GPX6: variants seen among roughly 807,000 people sequenced by gnomAD.
GPX6 encodes the protein glutathione peroxidase 6.
Under a neutral mutation model 20.0 loss-of-function variants are expected in GPX6, and 21 were observed. The ratio of observed to expected loss-of-function variants is 1.05; its 90% confidence interval spans 0.74 to 1.51. GPX6 has a LOEUF of 1.51. Ranked by LOEUF, GPX6 falls within the 40% of genes most tolerant of loss-of-function variation. The probability of loss-of-function intolerance (pLI) is 0.00; values close to 1 mark genes in which losing one functional copy is unlikely to be tolerated. For synonymous variants in GPX6, 75 were observed against 98.0 expected (o/e 0.77, Z 1.38); for missense variants, 233 against 254.7 (o/e 0.91, Z 0.58).
At chr6:28,513,492 G>A (rs560246971) in intron 1 of GPX6, among the ~76,000 whole-genome samples, 11 of 152,272 alleles carry the variant, frequency 7.2e-5, no homozygotes, top group African/African-American at 2.4e-4. Context: ...CCTTGTGAGA[G>A]GGACAAGGGA....
At chr6:28,508,975 A>G (rs916051638) in intron 2 of GPX6, among the ~76,000 whole-genome samples, 121 of 152,252 alleles carry the variant, frequency 7.9e-4, no homozygotes, top group African/African-American at 2.8e-3. Context: ...GAGGAGCCGG[A>G]ATTTTATTAG....
chr6:28,512,622 A>T lies in GPX6; in HGVS notation c.88-1718T>A, dbSNP rs1483663762. Among the ~76,000 whole-genome samples, 3 of 152,198 alleles carry T rather than the reference A, an allele frequency of 2.0e-5. No individual in the cohort carries two copies. In the East Asian group the frequency reaches 5.8e-4, roughly 29 times the overall value. On this transcript the variant is annotated intron_variant, in intron 1 of 4. Transcript: ENST00000361902. Reference sequence around the variant, plus strand: ...AGAATAAAAGGCGGCTGCCGGAGCCAGCAGTGGCAGCCCCCGTGGGTCCCC... The same window carrying T: ...AGAATAAAAGGCGGCTGCCGGAGCCTGCAGTGGCAGCCCCCGTGGGTCCCC...
intron 1 of GPX6, among the ~76,000 whole-genome samples, chr6:28,514,253 ACT>A (rs1163609444): frequency 6.6e-6 from 1 of 152,136 alleles, no homozygotes; most frequent in Non-Finnish European, 1.5e-5. Flanking sequence ...TGAGGATGTC[ACT>A]CTGTGAAATG....
At chr6:28,509,432 G>T (rs190864603) in intron 2 of GPX6, among the ~76,000 whole-genome samples, 27 of 152,110 alleles carry the variant, frequency 1.8e-4, no homozygotes, top group African/African-American at 6.3e-4. Context: ...TACTCGGGAG[G>T]CTGAGGCACA....
At chr6:28,509,069 G>C (rs903474552) in intron 2 of GPX6, among the ~76,000 whole-genome samples, 1 of 152,096 alleles carries the variant, frequency 6.6e-6, no homozygotes, top group African/African-American at 2.4e-5. Context: ...TTAGACATGA[G>C]ATTACAATAT....
intron 1 of GPX6, among the ~76,000 whole-genome samples, chr6:28,513,411 C>CT (rs754936634): frequency 6.1e-4 from 93 of 152,296 alleles, no homozygotes; most frequent in South Asian, 2.3e-3. Context: ...AGTTTGTATG[C>CT]TCCCCCTCTG....
At position 28,504,096 on chromosome 6, in the gene GPX6, C is replaced by CCGTA; in HGVS notation, c.*195_*196insTACG. 4.7e-5 allele frequency: 25 copies of CCGTA among 528,572 alleles called. No homozygotes were observed. In the South Asian group the frequency reaches 5.5e-4, roughly 12 times the overall value. The allele number at this position is 528,572 out of a possible 1,614,324, so 32.7% of individuals were successfully genotyped here. On this transcript the variant is annotated 3_prime_UTR_variant, in exon 5 of 5. Coordinates refer to ENST00000361902, the MANE Select transcript of GPX6 (RefSeq NM_182701.1). ...TACCAACAAATACAATTCTACATAT[C>CCGTA]CATACACACACACACACACACACAC...
intron 3 of GPX6, 136 bp from the exon 4 acceptor site, chr6:28,505,938 T>C (rs1762802381): frequency 1.0e-5 from 7 of 680,778 alleles, no homozygotes; most frequent in Middle Eastern, 3.9e-4. Context: ...TAAGAAAAGA[T>C]AGTCTGTGGG....
chr6:28,513,510 C>A (rs1352628905), intron 1 of GPX6, among the ~76,000 whole-genome samples: 1 of 152,162 alleles, frequency 6.6e-6, no homozygotes, highest in Non-Finnish European at 1.5e-5. Context: ...GGAACTTTTC[C>A]GGTTTCGCTG....
At chr6:28,512,858 T>TGCAGCTTCACTCTTGAGCCTC (rs1562001872) in intron 1 of GPX6, among the ~76,000 whole-genome samples, 10 of 151,802 alleles carry the variant, frequency 6.6e-5, no homozygotes, top group Admixed American at 3.3e-4. Flanking sequence ...CCGCGAGGCT[T>TGCAGCTTCACTCTTGAGCCTC]TGCAGCTTCA....
intron 1 of GPX6, among the ~76,000 whole-genome samples, chr6:28,512,256 C>T (rs899629109): frequency 1.3e-5 from 2 of 152,260 alleles, no homozygotes; most frequent in African/African-American, 2.4e-5. Flanking sequence ...GCTCCTGAGT[C>T]TGGTGGGGAC....
intron 1 of GPX6, among the ~76,000 whole-genome samples, chr6:28,512,710 T>G (rs1030934107): frequency 1.6e-4 from 24 of 152,186 alleles, no homozygotes; most frequent in Non-Finnish European, 2.6e-4. Flanking sequence ...TGCTCATTCT[T>G]GGGGTCCACA....
chr6:28,506,820 G>A (rs1762811169), intron 2 of GPX6, among the ~76,000 whole-genome samples: 1 of 151,210 alleles, frequency 6.6e-6, no homozygotes, highest in Admixed American at 6.6e-5. Context: ...TTGATGAATT[G>A]ATCAAAAAAA....
rs1762799941 is a variant in GPX6 at position 28,505,687 on chromosome 6, G to A, written c.459+16C>T. The A allele has an allele frequency of 4.4e-6, 7 of 1,599,710 alleles. No individual in the cohort carries two copies. Among genetic ancestry groups the A allele is most frequent in the Non-Finnish European group, 5.1e-6 (6 of 1,166,986 alleles). Reference sequence around the variant, plus strand: ...TTTCTAGCTAACCCATCCATGCCAGGTTTATACTCATGCACCTTCAGGAAA... The same window carrying A: ...TTTCTAGCTAACCCATCCATGCCAGATTTATACTCATGCACCTTCAGGAAA... On this transcript the variant is annotated intron_variant, in intron 4 of 4. Coordinates refer to ENST00000361902, the MANE Select transcript of GPX6 (RefSeq NM_182701.1).
In GPX6 at chr6:28,509,365, C is replaced by CAAA. The variant is rs34508933; in HGVS notation, c.241+1383_241+1385dup. 1.7e-4 allele frequency among the ~76,000 whole-genome samples: 17 copies of CAAA among 101,116 alleles called. 1 individual carries two copies. The highest frequency in any genetic ancestry group is 7.2e-4 in the Admixed American group (7 of 9,756). 66.3% of individuals were successfully genotyped at this position (101,116 alleles called of 152,430 possible). The stretch of plus-strand genomic sequence containing the variant: ...CAAAACACTGCCTCTGCTAAAAATG[C>CAAA]AAAAAAAAAAAAAAAAAAATTAGCT... On this transcript the variant is annotated intron_variant, in intron 2 of 4. Coordinates refer to ENST00000361902, the MANE Select transcript of GPX6 (RefSeq NM_182701.1).
At chr6:28,508,207 C>T (rs535059989) in intron 2 of GPX6, among the ~76,000 whole-genome samples, 5 of 152,318 alleles carry the variant, frequency 3.3e-5, no homozygotes, top group Middle Eastern at 6.8e-3. Flanking sequence ...AGAGCAGCTT[C>T]ACATTCCATG....
At chr6:28,511,585 G>A (rs777456818) in intron 1 of GPX6, among the ~76,000 whole-genome samples, 2 of 152,274 alleles carry the variant, frequency 1.3e-5, no homozygotes, top group Non-Finnish European at 2.9e-5. Flanking sequence ...ACTGGCGCTG[G>A]ATGTGGAGAG....
At chr6:28,507,930 C>T (rs1453103052) in intron 2 of GPX6, among the ~76,000 whole-genome samples, 1 of 152,150 alleles carries the variant, frequency 6.6e-6, no homozygotes, top group East Asian at 1.9e-4. Flanking sequence ...AAGCAATGTG[C>T]ATAATCATTT....
intron 1 of GPX6, among the ~76,000 whole-genome samples, chr6:28,511,194 C>A (rs947044280): frequency 2.6e-5 from 4 of 152,216 alleles, no homozygotes; most frequent in African/African-American, 9.7e-5. Context: ...ACACTGCATT[C>A]TCCCCCGACA....
Sources: gnomAD v4.1 joint callset for allele counts (sites outside exome capture counted in the v4.1 genomes callset) on GRCh38, gnomAD v4.1.1 for gene constraint, MANE v1.5 for transcripts, NCBI Gene and HGNC (gene_info 2026-07-23, HGNC 2026-07-21) for gene names.